TMEM87A: variants seen among roughly 807,000 people sequenced by gnomAD.
The protein encoded by TMEM87A is transmembrane protein 87A, also known as Golgi-pH regulating cation channel.
TMEM87A carries 50 observed loss-of-function variants against 90.0 expected under a neutral mutation model. The ratio of observed to expected loss-of-function variants is 0.56; its 90% CI spans 0.44 to 0.70. The LOEUF is 0.70. TMEM87A is among the 30% of genes least tolerant of loss of function. The probability of loss-of-function intolerance (pLI) is 0.00; values close to 1 mark genes in which losing one functional copy is unlikely to be tolerated. For synonymous variants in TMEM87A, 226 were observed against 226.7 expected, an observed-to-expected ratio of 1.00 and a Z score of 0.03; for missense variants, 577 against 660.5, an observed-to-expected ratio of 0.87 and a Z score of 1.39.
chr15:42,231,044 C>T, intron 12 of TMEM87A, 148 bp downstream of exon 12: 1 of 586,820 alleles, frequency 1.7e-6, no homozygotes, highest in Non-Finnish European at 2.8e-6. Context: ...TACCTGAACC[C>T]TCAGGTTGTT....
At chr15:42,232,558 C>T (rs2050703078) in intron 11 of TMEM87A, among the ~76,000 whole-genome samples, 1 of 152,110 alleles carries the variant, frequency 6.6e-6, no homozygotes, top group Non-Finnish European at 1.5e-5. Context: ...ACTGCAAGCT[C>T]CGCCTCCCGA....
intron 19 of TMEM87A, 77 bp from the exon 20 acceptor site, chr15:42,211,826 C>A: frequency 7.9e-7 from 1 of 1,262,610 alleles, no homozygotes; most frequent in Non-Finnish European, 1.1e-6. Flanking sequence ...ACAGACTATC[C>A]AAGCAAACAT....
chr15:42,251,587 A>C (rs1490262850), intron 6 of TMEM87A, among the ~76,000 whole-genome samples: 4 of 152,174 alleles, frequency 2.6e-5, no homozygotes, highest in Non-Finnish European at 1.5e-5. Context: ...GCAGAACAGC[A>C]AATATTGTTG....
In TMEM87A at chr15:42,236,263, T is replaced by G. The variant is rs2050768344; in HGVS notation, c.968+57A>C. On this transcript the variant is annotated intron_variant, in intron 10 of 19. Transcript: ENST00000389834. ...CTACTACATTGGGAACATGCAATAC[T>G]GTTTTAATTTAATCAGCATTTTAAT... 2.2e-6 allele frequency: 3 copies of G among 1,395,342 alleles called. No individual in the cohort carries two copies. In the Admixed American group the frequency reaches 5.0e-5, roughly 23 times the overall value. 86.4% of individuals were successfully genotyped at this position (1,395,342 alleles called of 1,614,324 possible).
At chr15:42,239,031 G>T (rs1470379265) in intron 8 of TMEM87A, among the ~76,000 whole-genome samples, 1 of 151,236 alleles carries the variant, frequency 6.6e-6, no homozygotes, top group Non-Finnish European at 1.5e-5. Flanking sequence ...TGAAGAGAAG[G>T]GAGCTTCATC....
At chr15:42,223,851 G>C (rs1462651824) in intron 15 of TMEM87A, among the ~76,000 whole-genome samples, 1 of 152,090 alleles carries the variant, frequency 6.6e-6, no homozygotes, top group Admixed American at 6.5e-5. Context: ...AAAATGATGG[G>C]ACATAAAACA....
chr15:42,272,109 A>T lies in TMEM87A; in HGVS notation c.159T>A (p.Phe53Leu). The change falls in exon 2 of 20, where the codon TTT becomes TTA. Residue 53 changes from phenylalanine (F) to leucine (L), a missense_variant. Transcript: ENST00000389834. ...TTCTGAAGAGGATCTTTCCAAAACTAAAATAATTTTTCCCCTGCAAACATA... is the reference window on the plus strand; with the variant it reads ...TTCTGAAGAGGATCTTTCCAAAACTTAAATAATTTTTCCCCTGCAAACATA... Reference protein sequence around the residue: ...HIPIPSGKNYFSFGKILFRNT... With the variant: ...HIPIPSGKNYLSFGKILFRNT... 6.2e-7 allele frequency: 1 copy of T among 1,607,428 alleles called. No individual in the cohort carries two copies. Among genetic ancestry groups the T allele is most frequent in the Non-Finnish European group, 8.5e-7 (1 of 1,177,466 alleles).
chr15:42,214,501 TAGAA>T (rs2050349092), intron 19 of TMEM87A, among the ~76,000 whole-genome samples: 5 of 151,910 alleles, frequency 3.3e-5, no homozygotes, highest in Admixed American at 2.6e-4. Flanking sequence ...TGGAACAAAA[TAGAA>T]AGCCCAGAAA....
rs773108173 is a variant in TMEM87A, at chr15:42,218,364, C to G, written c.1554G>C (p.Leu518Phe). The G allele has an allele frequency of 6.2e-7, 1 of 1,613,790 alleles. No homozygotes were observed. Among genetic ancestry groups the G allele is most frequent in the South Asian group, 1.1e-5 (1 of 91,056 alleles). Residue 518 changes from leucine to phenylalanine, a missense_variant, in exon 18 of 20, where the codon TTG becomes TTC. Physicochemically the swap from Leu to Phe is conservative, Grantham distance 22 (BLOSUM62 0). Coordinates refer to ENST00000389834, the MANE Select transcript of TMEM87A (RefSeq NM_015497.5). ...SKVNKAQEDD[L>F]KWVEENVPSS... Reference sequence around the variant, plus strand: ...AAGGAACATTCTCTTCTACCCACTTCAAATCATCTTCCTGCTGGGAACATA... The same window carrying G: ...AAGGAACATTCTCTTCTACCCACTTGAAATCATCTTCCTGCTGGGAACATA...
intron 9 of TMEM87A, among the ~76,000 whole-genome samples, chr15:42,237,022 T>C (rs911798606): frequency 1.3e-5 from 2 of 152,248 alleles, no homozygotes; most frequent in Non-Finnish European, 2.9e-5. Flanking sequence ...GATATGACTA[T>C]ATTTTATCAG....
chr15:42,262,706 C>T lies in TMEM87A; in HGVS notation c.405+1384G>A, dbSNP rs149684052. The stretch of plus-strand genomic sequence containing the variant: ...TGCTGGGATTACAGGCCTGAGCCAC[C>T]GCATCTGGCCTCAATTACCAATGAC... On this transcript the variant is annotated intron_variant, in intron 4 of 19. Coordinates refer to ENST00000389834, the MANE Select transcript of TMEM87A (RefSeq NM_015497.5). Among the ~76,000 whole-genome samples, 126 of 152,222 alleles carry T rather than the reference C, an allele frequency of 8.3e-4. No homozygotes were observed. In the South Asian group the frequency reaches 0.016, roughly 19 times the overall value.
intron 6 of TMEM87A, among the ~76,000 whole-genome samples, chr15:42,246,509 T>C (rs1222419967): frequency 6.6e-6 from 1 of 152,134 alleles, no homozygotes; most frequent in Non-Finnish European, 1.5e-5. Context: ...AGTGTTCTCA[T>C]TGTTCAACTC....
chr15:42,256,626 T>C (rs937318268), intron 6 of TMEM87A, among the ~76,000 whole-genome samples: 4 of 152,152 alleles, frequency 2.6e-5, no homozygotes, highest in Non-Finnish European at 4.4e-5. Context: ...AAGCCTTGAG[T>C]AGAACTCAAA....
chr15:42,234,438 G>A (rs1478261329), intron 10 of TMEM87A, among the ~76,000 whole-genome samples: 2 of 152,122 alleles, frequency 1.3e-5, no homozygotes, highest in Admixed American at 6.5e-5. Context: ...CATATGAGCA[G>A]GGAATTTTCT....
intron 2 of TMEM87A, 28 bp from the exon 3 acceptor site, chr15:42,268,060 A>G: frequency 4.4e-6 from 7 of 1,586,900 alleles, no homozygotes; most frequent in Non-Finnish European, 6.0e-6. Flanking sequence ...TTTGTTAACA[A>G]AAGATAATTC....
chr15:42,247,873 G>T (rs1166035241), intron 6 of TMEM87A, among the ~76,000 whole-genome samples: 1 of 152,068 alleles, frequency 6.6e-6, no homozygotes, highest in Non-Finnish European at 1.5e-5. Flanking sequence ...AAATTACCTT[G>T]GGCAGTATGG....
chr15:42,261,527 T>C (rs1041668638), intron 4 of TMEM87A, among the ~76,000 whole-genome samples: 27 of 152,308 alleles, frequency 1.8e-4, no homozygotes, highest in African/African-American at 6.3e-4. Context: ...ATAGGATGTA[T>C]GCTTAGGATA....
intron 18 of TMEM87A, 183 bp from the exon 19 acceptor site, chr15:42,218,016 A>G: frequency 1.6e-6 from 1 of 638,602 alleles, no homozygotes; most frequent in Non-Finnish European, 2.5e-6. Context: ...AATTGTATAG[A>G]AAAAAAACGT....
Position 42,218,344 on chromosome 15 carries a change from A to G in TMEM87A, c.1574T>C (p.Val525Ala), listed in dbSNP as rs1484490352. Residue 525 changes from valine (V) to alanine (A), a missense_variant, in exon 18 of 20, where the codon GTT (valine) becomes GCT (alanine). Physicochemically the swap from Val to Ala is moderately conservative, Grantham distance 64. Coordinates refer to ENST00000389834, the MANE Select transcript of TMEM87A (RefSeq NM_015497.5). ...TTACACATCTGTCACAGAAGAAGGA[A>G]CATTCTCTTCTACCCACTTCAAATC... ...EDDLKWVEEN[V>A]PSSVTDVALP... 1 of 1,613,860 alleles carries G rather than the reference A, an allele frequency of 6.2e-7. No individual in the cohort carries two copies. Among genetic ancestry groups the G allele is most frequent in the Admixed American group, 1.7e-5 (1 of 60,022 alleles).
Sources: gnomAD v4.1 joint callset for allele counts (sites outside exome capture counted in the v4.1 genomes callset) on GRCh38, gnomAD v4.1.1 for gene constraint, MANE v1.5 for transcripts, NCBI Gene and HGNC (gene_info 2026-07-23, HGNC 2026-07-21) for gene names.